Variants in LMNTD1 observed in about 807,000 individuals in gnomAD.
LMNTD1 encodes the protein lamin tail domain containing 1, also known as lamin tail domain-containing protein 1.
Under a neutral mutation model 50.9 loss-of-function variants are expected in LMNTD1, and 35 were observed. That is an observed-to-expected ratio of 0.69 (90% CI 0.53 to 0.91). The LOEUF is 0.91. Ranked by LOEUF, LMNTD1 falls within the 40% of genes least tolerant of loss-of-function variation. LMNTD1 has a pLI of 0.00. For missense variants in LMNTD1, 470 were observed against 475.5 expected, an observed-to-expected ratio of 0.99 and a Z score of 0.11; for synonymous variants, 153 against 161.9, an observed-to-expected ratio of 0.94 and a Z score of 0.42.
At chr12:25,507,038 T>C (rs1241410760) in intron 8 of LMNTD1, among the ~76,000 whole-genome samples, 2 of 151,856 alleles carry the variant, frequency 1.3e-5, no homozygotes, top group African/African-American at 4.8e-5. Context: ...CTCCACACCT[T>C]GCTAATTTTG....
rs1941754668 is a variant in LMNTD1 at position 25,526,846 on chromosome 12, G to A, written c.601C>T (p.Gln201Ter). 8 of 1,612,948 alleles carry A rather than the reference G, an allele frequency of 5.0e-6. No individual in the cohort carries two copies. Among genetic ancestry groups the A allele is most frequent in the Non-Finnish European group, 5.9e-6 (7 of 1,179,126 alleles). Residue 201 changes from glutamine to a stop codon, truncating the protein, a stop_gained, in exon 5 of 10, where the codon CAA (glutamine) becomes TAA (stop). Coordinates refer to ENST00000458174, the MANE Select transcript of LMNTD1 (RefSeq NM_001145728.2). LOFTEE classifies it high-confidence loss of function. ...EMAIGDHILQQNVNGQTISLY... is the reference protein window; with the variant it reads ...EMAIGDHILQ ...GAAATGGTTTGTCCATTCACATTTT[G>A]CTGGAGAATATGATCTCCAATTGCC... is the stretch of plus-strand genomic sequence containing the variant.
intron 4 of LMNTD1, among the ~76,000 whole-genome samples, chr12:25,528,747 A>T (rs1941998186): frequency 6.6e-6 from 1 of 152,122 alleles, no homozygotes; most frequent in African/African-American, 2.4e-5. Flanking sequence ...ATCTGCAGTG[A>T]AGCCCTCTGG....
intron 1 of LMNTD1, among the ~76,000 whole-genome samples, chr12:25,610,625 C>A (rs1469771676): frequency 6.6e-6 from 1 of 151,938 alleles, no homozygotes; most frequent in Non-Finnish European, 1.5e-5. Context: ...GGATTGTGGT[C>A]CAGGAGAAAG....
chr12:25,553,469 T>C (rs1222274596), upstream of LMNTD1, among the ~76,000 whole-genome samples: 2 of 152,310 alleles, frequency 1.3e-5, no homozygotes, highest in Admixed American at 6.5e-5. Flanking sequence ...ACCAAAATTA[T>C]TGATATCTTG....
chr12:25,530,522 T>C (rs541689041), intron 4 of LMNTD1, among the ~76,000 whole-genome samples: 2 of 152,352 alleles, frequency 1.3e-5, no homozygotes, highest in African/African-American at 4.8e-5. Flanking sequence ...TTGTCCATCA[T>C]CTCCCTGCTG....
chr12:25,510,596 C>T (rs1424411610), intron 8 of LMNTD1, among the ~76,000 whole-genome samples: 1 of 152,208 alleles, frequency 6.6e-6, no homozygotes, highest in Middle Eastern at 3.4e-3. Flanking sequence ...TACTTGTGCT[C>T]AGTCTTTCTC....
intron 1 of LMNTD1, among the ~76,000 whole-genome samples, chr12:25,609,891 A>G (rs1412698962): frequency 6.6e-6 from 1 of 152,128 alleles, no homozygotes; most frequent in Non-Finnish European, 1.5e-5. Flanking sequence ...TCAGACAGGG[A>G]TGTTTAAGTC....
chr12:25,491,122 A>G (rs1938869145), intron 9 of LMNTD1, among the ~76,000 whole-genome samples: 1 of 152,248 alleles, frequency 6.6e-6, no homozygotes, highest in Non-Finnish European at 1.5e-5. Context: ...AAAAGTATCT[A>G]GTTCAGTGGC....
chr12:25,520,879 G>A (rs1052566059), intron 6 of LMNTD1, among the ~76,000 whole-genome samples: 3 of 152,100 alleles, frequency 2.0e-5, no homozygotes. Flanking sequence ...TATATCTCTT[G>A]TCTTTTTTGG....
chr12:25,569,719 A>T (rs1944707449), intron 1 of LMNTD1, among the ~76,000 whole-genome samples: 1 of 152,094 alleles, frequency 6.6e-6, no homozygotes, highest in African/African-American at 2.4e-5. Flanking sequence ...TTAAAAGTGT[A>T]TAGCACCCCC....
chr12:25,526,060 T>TA (rs780453955), intron 6 of LMNTD1, 39 bp downstream of exon 6: 19 of 1,479,802 alleles, frequency 1.3e-5, no homozygotes, highest in South Asian at 5.5e-5. Flanking sequence ...AGCACAATAT[T>TA]TAAAAAAAAA....
chr12:25,626,961 T>A (rs1247811640), intron 1 of LMNTD1, among the ~76,000 whole-genome samples: 1 of 152,236 alleles, frequency 6.6e-6, no homozygotes, highest in African/African-American at 2.4e-5. Context: ...ACTCTTGCAC[T>A]GTTTTTATAG....
chr12:25,520,228 G>A (rs1941219417), intron 6 of LMNTD1, among the ~76,000 whole-genome samples, 153 bp from the exon 7 acceptor site: 1 of 141,626 alleles, frequency 7.1e-6, no homozygotes, highest in African/African-American at 2.6e-5. Context: ...GTCTCACGTA[G>A]TTACTTTTTT....
At chr12:25,608,069 A>T (rs1040888629) in intron 1 of LMNTD1, among the ~76,000 whole-genome samples, 2 of 152,058 alleles carry the variant, frequency 1.3e-5, no homozygotes, top group African/African-American at 4.8e-5. Context: ...TGTTGAATTG[A>T]TCCCTTTACC....
chr12:25,582,072 C>T (rs149418768), intron 1 of LMNTD1, among the ~76,000 whole-genome samples: 1 of 152,216 alleles, frequency 6.6e-6, no homozygotes, highest in Non-Finnish European at 1.5e-5. Context: ...ATGGGTCCCA[C>T]AGCCAACAGG....
intron 9 of LMNTD1, among the ~76,000 whole-genome samples, chr12:25,476,738 GT>G (rs1281951896): frequency 1.3e-5 from 2 of 152,100 alleles, no homozygotes; most frequent in African/African-American, 2.4e-5. Context: ...GACTTCTAGA[GT>G]TTTTTTAATG....
intron 1 of LMNTD1, among the ~76,000 whole-genome samples, chr12:25,559,895 T>C (rs1330073856): frequency 2.0e-5 from 3 of 150,700 alleles, no homozygotes; most frequent in East Asian, 1.9e-4. Flanking sequence ...ATGGGGTTGA[T>C]TTTTTCTTAC....
At chr12:25,641,147 G>A (rs1946952636) in intron 1 of LMNTD1, among the ~76,000 whole-genome samples, 1 of 152,170 alleles carries the variant, frequency 6.6e-6, no homozygotes, top group Non-Finnish European at 1.5e-5. Flanking sequence ...GTTTTGGATG[G>A]ATGGATGGAT....
intron 8 of LMNTD1, among the ~76,000 whole-genome samples, chr12:25,508,677 G>C (rs974869475): frequency 6.6e-6 from 1 of 152,086 alleles, no homozygotes; most frequent in Non-Finnish European, 1.5e-5. Context: ...GGGGTAATTA[G>C]TATGTGTATA....
Sources: allele counts gnomAD v4.1 joint callset (sites outside exome capture counted in the v4.1 genomes callset), GRCh38; gene constraint gnomAD v4.1.1; transcripts MANE v1.5; gene names NCBI Gene and HGNC (gene_info 2026-07-23, HGNC 2026-07-21).